COL26A1: variants seen among roughly 807,000 people sequenced by gnomAD.
The protein encoded by COL26A1 is collagen alpha-1(XXVI) chain.
In COL26A1, 41 loss-of-function variants were observed where a neutral mutation model predicts 59.3. That is an observed-to-expected ratio of 0.69 (90% CI 0.54 to 0.90). The LOEUF (loss-of-function observed/expected upper bound fraction) is 0.90. Ranked by LOEUF, COL26A1 falls within the 40% of genes least tolerant of loss-of-function variation. COL26A1 has a pLI of 0.00. For missense variants in COL26A1, 612 were observed against 602.3 expected (o/e 1.02, Z -0.17); for synonymous variants, 266 against 256.0 (o/e 1.04, Z -0.37).
chr7:101,555,943 G>A, intron 12 of COL26A1, 72 bp downstream of exon 12: 1 of 1,325,320 alleles, frequency 7.5e-7, no homozygotes, highest in Non-Finnish European at 1.1e-6. Flanking sequence ...TGCCCTCATG[G>A]CTGCTGCCTA....
At chr7:101,551,951 A>G (rs1299110300) in intron 10 of COL26A1, among the ~76,000 whole-genome samples, 1 of 152,160 alleles carries the variant, frequency 6.6e-6, no homozygotes, top group Non-Finnish European at 1.5e-5. Context: ...CCAAGAGACC[A>G]TGCTTTATTA....
chr7:101,457,055 G>A (rs562077127), intron 3 of COL26A1, among the ~76,000 whole-genome samples: 15 of 152,254 alleles, frequency 9.9e-5, no homozygotes, highest in African/African-American at 3.6e-4. Flanking sequence ...AGGCTTGAAG[G>A]TTAGGGTTTT....
At chr7:101,456,948 C>A (rs200862612) in intron 3 of COL26A1, among the ~76,000 whole-genome samples, 1 of 152,182 alleles carries the variant, frequency 6.6e-6, no homozygotes, top group Non-Finnish European at 1.5e-5. Flanking sequence ...AAAACCAGTT[C>A]GCTGAGACCG....
At chr7:101,467,886 A>G (rs998424736) in intron 3 of COL26A1, among the ~76,000 whole-genome samples, 3 of 151,824 alleles carry the variant, frequency 2.0e-5, no homozygotes, top group Non-Finnish European at 4.4e-5. Flanking sequence ...GAAAAAGAAA[A>G]GGGAAGAAGG....
At chr7:101,502,068 G>A (rs1184995573) in intron 3 of COL26A1, among the ~76,000 whole-genome samples, 1 of 152,212 alleles carries the variant, frequency 6.6e-6, no homozygotes, top group East Asian at 1.9e-4. Context: ...TATGCTTGAA[G>A]GCCGGGTGCG....
At chr7:101,543,935 C>A in intron 5 of COL26A1, 63 bp from the exon 6 acceptor site, 2 of 1,254,042 alleles carry the variant, frequency 1.6e-6, no homozygotes, top group Non-Finnish European at 2.3e-6. Context: ...GGGGGCCAGG[C>A]CTGGAGCCAC....
intron 1 of COL26A1, among the ~76,000 whole-genome samples, chr7:101,403,966 C>T (rs1456204951): frequency 6.6e-6 from 1 of 151,956 alleles, no homozygotes; most frequent in Non-Finnish European, 1.5e-5. Flanking sequence ...TGCTGGTGGG[C>T]ACCTGTAGTC....
At chr7:101,417,168 G>A (rs556963125) in intron 1 of COL26A1, among the ~76,000 whole-genome samples, 1 of 152,184 alleles carries the variant, frequency 6.6e-6, no homozygotes, top group East Asian at 1.9e-4. Flanking sequence ...TGTTGAGTTG[G>A]TGCCTTTCTT....
Position 101,537,694 on chromosome 7 carries a change from G to A in COL26A1, c.448-2199G>A, listed in dbSNP as rs1453675899. Among the ~76,000 whole-genome samples, 4 of 152,112 alleles carry A rather than the reference G, an allele frequency of 2.6e-5. No homozygotes were observed. In the South Asian group the frequency reaches 6.2e-4, roughly 24 times the overall value. On this transcript the variant is annotated intron_variant, in intron 4 of 12. Coordinates refer to ENST00000313669, the MANE Select transcript of COL26A1 (RefSeq NM_001278563.3). ...TTTGTACTGGCTGGCAGGTCACTTC[G>A]GGGGAAGCCAGAGCTTTGCCCAGAA...
chr7:101,546,973 T>G (rs1420499701), intron 7 of COL26A1, among the ~76,000 whole-genome samples, 183 bp from the exon 8 acceptor site: 2 of 152,200 alleles, frequency 1.3e-5, no homozygotes, highest in Admixed American at 6.5e-5. Context: ...CTGCTCTTTG[T>G]CTGGGCCTCT....
At position 101,393,401 on chromosome 7, in the gene COL26A1, G is replaced by A. The variant is rs370828398; in HGVS notation, c.159-26576G>A. ...TTTCAGGGCAGGAAGCATCCAGCAC[G>A]GGAGAAAGATGTGGGCTGGGAGGCT... On this transcript the variant is annotated intron_variant, in intron 1 of 12. Transcript: ENST00000313669. Among the ~76,000 whole-genome samples the A allele has an allele frequency of 2.0e-5, 3 of 152,104 alleles. 1 individual carries two copies. The highest frequency in any genetic ancestry group is 4.1e-4 in the South Asian group (2 of 4,820).
intron 4 of COL26A1, among the ~76,000 whole-genome samples, chr7:101,536,296 G>A (rs1795480993): frequency 1.3e-5 from 2 of 152,282 alleles, no homozygotes; most frequent in African/African-American, 2.4e-5. Context: ...CTACAGGCAT[G>A]AGCCACTGTG....
chr7:101,514,282 G>A (rs1794984634), intron 3 of COL26A1, among the ~76,000 whole-genome samples: 2 of 152,016 alleles, frequency 1.3e-5, no homozygotes, highest in Admixed American at 1.3e-4. Flanking sequence ...AGGCTGCAGT[G>A]GGCCAAGATC....
At chr7:101,536,199 A>G (rs1248674827) in intron 4 of COL26A1, among the ~76,000 whole-genome samples, 1 of 152,242 alleles carries the variant, frequency 6.6e-6, no homozygotes, top group Non-Finnish European at 1.5e-5. Context: ...TATTTTTAGT[A>G]GAGACGGGGT....
intron 3 of COL26A1, among the ~76,000 whole-genome samples, chr7:101,500,706 A>G (rs1336327312): frequency 1.3e-5 from 2 of 152,088 alleles, no homozygotes; most frequent in Non-Finnish European, 2.9e-5. Context: ...CTGTAGTCCC[A>G]GCTACTTGGG....
intron 3 of COL26A1, among the ~76,000 whole-genome samples, chr7:101,464,109 G>A (rs968995245): frequency 1.6e-4 from 24 of 151,684 alleles, no homozygotes; most frequent in Non-Finnish European, 2.9e-5. Flanking sequence ...GGGTCTACAG[G>A]CATGTACCAC....
Position 101,557,782 on chromosome 7 carries a change from G to T in COL26A1, c.*252G>T. On this transcript the variant is annotated 3_prime_UTR_variant, in exon 13 of 13. Transcript: ENST00000313669. ...TCCCGGCTGGAGACGGGGTCTGGGT[G>T]GGCTGGGTGCTGGGAATGAGAATAA... 2.2e-6 allele frequency: 1 copy of T among 451,348 alleles called. No homozygotes were observed. The highest frequency in any genetic ancestry group is 5.4e-5 in the South Asian group (1 of 18,462). 28.0% of individuals were successfully genotyped at this position (451,348 alleles called of 1,614,324 possible).
At chr7:101,471,231 A>AT (rs1562997350) in intron 3 of COL26A1, among the ~76,000 whole-genome samples, 2 of 152,146 alleles carry the variant, frequency 1.3e-5, no homozygotes, top group Non-Finnish European at 2.9e-5. Flanking sequence ...GCAATTAAGC[A>AT]TAAGGGCTTT....
At chr7:101,492,304 G>A (rs916854198) in intron 3 of COL26A1, among the ~76,000 whole-genome samples, 1 of 152,140 alleles carries the variant, frequency 6.6e-6, no homozygotes, top group Admixed American at 6.6e-5. Context: ...ACTGTTTCTT[G>A]GGGAGCCTCT....
Sources: allele counts gnomAD v4.1 joint callset (sites outside exome capture counted in the v4.1 genomes callset), GRCh38; gene constraint gnomAD v4.1.1; transcripts MANE v1.5; gene names NCBI Gene and HGNC (gene_info 2026-07-23, HGNC 2026-07-21).